The following PCDH15 variants were observed in gnomAD, a reference collection of about 807,000 sequenced individuals.
The protein encoded by PCDH15 is protocadherin-15.
PCDH15 carries 129 observed loss-of-function variants against 178.5 expected under a neutral mutation model. The ratio of observed to expected loss-of-function variants is 0.72; its 90% confidence interval spans 0.63 to 0.84. PCDH15 has a LOEUF of 0.84. Ranked by LOEUF, PCDH15 falls within the 40% of genes least tolerant of loss-of-function variation. The pLI is 0.00. For synonymous variants in PCDH15, 800 were observed against 732.0 expected (o/e 1.09, Z -1.50); for missense variants, 2,230 against 2,099.9 (o/e 1.06, Z -1.21).
intron 15 of PCDH15, among the ~76,000 whole-genome samples, chr10:54,100,499 T>C (rs962094286): frequency 6.6e-6 from 1 of 152,196 alleles, no homozygotes; most frequent in African/African-American, 2.4e-5. Flanking sequence ...ATTTAAGGTA[T>C]TTATATCTCA....
intron 2 of PCDH15, among the ~76,000 whole-genome samples, chr10:55,057,643 C>T (rs11004710): frequency 0.061 from 9,346 of 151,968 alleles, 400 homozygotes; most frequent in African/African-American, 0.11. Flanking sequence ...CTATTCTGAA[C>T]GCTAGAATCC....
At chr10:54,442,725 T>C (rs2075906078) in intron 3 of PCDH15, among the ~76,000 whole-genome samples, 1 of 151,178 alleles carries the variant, frequency 6.6e-6, no homozygotes, top group South Asian at 2.1e-4. Flanking sequence ...AGTTTAAATG[T>C]CTTATAAGAA....
At chr10:54,373,578 T>A (rs1485393491) in intron 4 of PCDH15, among the ~76,000 whole-genome samples, 1 of 151,964 alleles carries the variant, frequency 6.6e-6, no homozygotes, top group Non-Finnish European at 1.5e-5. Context: ...ATCTATAGAT[T>A]TTTCACAGTG....
chr10:53,907,271 T>A (rs1725278273), intron 25 of PCDH15: 1 of 152,098 alleles, frequency 6.6e-6, no homozygotes, highest in Admixed American at 6.6e-5. Flanking sequence ...CTTGAGTACT[T>A]ACAAAAACTT....
intron 15 of PCDH15, among the ~76,000 whole-genome samples, chr10:54,126,322 A>C (rs1052628586): frequency 2.0e-5 from 3 of 152,002 alleles, no homozygotes; most frequent in African/African-American, 7.3e-5. Context: ...CCAACCCCTC[A>C]GCCTCTCAAA....
intron 2 of PCDH15, among the ~76,000 whole-genome samples, chr10:55,015,347 T>C (rs1012125955): frequency 3.3e-5 from 5 of 152,084 alleles, no homozygotes; most frequent in Admixed American, 2.0e-4. Context: ...TCTACCTCAA[T>C]GCCTCACTAA....
At chr10:54,132,140 T>C (rs1198472423) in intron 15 of PCDH15, among the ~76,000 whole-genome samples, 1 of 152,150 alleles carries the variant, frequency 6.6e-6, no homozygotes, top group Non-Finnish European at 1.5e-5. Context: ...AAATAGTACG[T>C]CATCTTATGA....
intron 1 of PCDH15, among the ~76,000 whole-genome samples, chr10:54,716,603 T>C (rs1037160908): frequency 2.0e-5 from 3 of 152,092 alleles, no homozygotes; most frequent in African/African-American, 7.2e-5. Flanking sequence ...TTTTTGTACA[T>C]TGATTTTGTA....
At chr10:55,387,694 A>C (rs1399520110) in intron 2 of PCDH15, among the ~76,000 whole-genome samples, 1 of 152,174 alleles carries the variant, frequency 6.6e-6, no homozygotes, top group Non-Finnish European at 1.5e-5. Context: ...ATTTCCAAAC[A>C]GGAAAAATAC....
At chr10:54,869,626 T>G (rs1214645592) in intron 3 of PCDH15, among the ~76,000 whole-genome samples, 1 of 152,196 alleles carries the variant, frequency 6.6e-6, no homozygotes, top group Non-Finnish European at 1.5e-5. Flanking sequence ...AAAATGAGAA[T>G]AAGAATTGTA....
chr10:54,128,242 T>C (rs1462790371), intron 15 of PCDH15, among the ~76,000 whole-genome samples: 1 of 152,178 alleles, frequency 6.6e-6, no homozygotes, highest in East Asian at 1.9e-4. Flanking sequence ...GTCCAGGTGG[T>C]AGTCTGTGTT....
intron 20 of PCDH15, among the ~76,000 whole-genome samples, chr10:54,016,697 A>T (rs2092751842): frequency 6.6e-6 from 1 of 152,196 alleles, no homozygotes; most frequent in African/African-American, 2.4e-5. Context: ...ATAGGGACAC[A>T]AAGATGGGAA....
intron 2 of PCDH15, among the ~76,000 whole-genome samples, chr10:55,375,156 C>A (rs929100928): frequency 3.3e-5 from 5 of 152,072 alleles, no homozygotes; most frequent in African/African-American, 9.7e-5. Context: ...TCTGAGTTTG[C>A]CACAGCAAGT....
intron 21 of PCDH15, among the ~76,000 whole-genome samples, chr10:53,982,473 T>C (rs1010358374): frequency 6.6e-6 from 1 of 152,080 alleles, no homozygotes; most frequent in Non-Finnish European, 1.5e-5. Context: ...ATATACAGCA[T>C]GGAATACTAT....
chr10:54,625,522 C>T (rs1422328038), intron 2 of PCDH15, among the ~76,000 whole-genome samples: 2 of 152,038 alleles, frequency 1.3e-5, no homozygotes, highest in Non-Finnish European at 2.9e-5. Flanking sequence ...AATGGGTCTC[C>T]TGAGATCTGA....
At chr10:54,183,190 C>T (rs559379879) in intron 13 of PCDH15, among the ~76,000 whole-genome samples, 4 of 152,224 alleles carry the variant, frequency 2.6e-5, no homozygotes, top group South Asian at 2.1e-4. Context: ...AGGCTGGTCT[C>T]GAACTCCCGA....
rs2094423611 is a variant in PCDH15, at chr10:54,657,301, A to C, written c.91+6871T>G. On this transcript the variant is annotated intron_variant, in intron 2 of 37. Coordinates refer to ENST00000644397, the MANE Select transcript of PCDH15 (RefSeq NM_001384140.1). ...GATGAGGACCTGGTATAGGCCTCCA[A>C]CGCTCTTCCATTGAAACATTGCCAC... 6.6e-5 allele frequency among the ~76,000 whole-genome samples: 10 copies of C among 152,272 alleles called. No individual in the cohort carries two copies. In the South Asian group the frequency reaches 2.1e-3, roughly 32 times the overall value.
chr10:54,888,076 A>G (rs940876367), intron 3 of PCDH15, among the ~76,000 whole-genome samples: 11 of 152,150 alleles, frequency 7.2e-5, no homozygotes, highest in Admixed American at 3.9e-4. Context: ...TGTAAAGCAT[A>G]CAATTTGACA....
chr10:55,599,879 C>T, intron 2 of PCDH15: 1 of 1,474,592 alleles, frequency 6.8e-7, no homozygotes, highest in Non-Finnish European at 9.0e-7. Context: ...TCACTTGTTC[C>T]CTAAGTAGGG....
Sources: gnomAD v4.1 joint callset for allele counts (sites outside exome capture counted in the v4.1 genomes callset) on GRCh38, gnomAD v4.1.1 for gene constraint, MANE v1.5 for transcripts, NCBI Gene and HGNC (gene_info 2026-07-23, HGNC 2026-07-21) for gene names.